CSMD3: variants seen among roughly 807,000 people sequenced by gnomAD.
The protein encoded by CSMD3 is CUB and sushi domain-containing protein 3.
Under a neutral mutation model 435.2 loss-of-function variants are expected in CSMD3, and 177 were observed. That is an observed-to-expected ratio of 0.41 (90% CI 0.36 to 0.46). The LOEUF (loss-of-function observed/expected upper bound fraction) is 0.46. CSMD3 is among the 20% of genes least tolerant of loss of function. The pLI is 0.34. For synonymous variants in CSMD3, 1,656 were observed against 1,520.5 expected, an observed-to-expected ratio of 1.09 and a Z score of -2.07; for missense variants, 4,265 against 4,504.6, an observed-to-expected ratio of 0.95 and a Z score of 1.52.
chr8:112,608,154 A>G (rs1586796185), intron 22 of CSMD3, among the ~76,000 whole-genome samples: 1 of 152,282 alleles, frequency 6.6e-6, no homozygotes, highest in East Asian at 1.9e-4. Flanking sequence ...GTTTCCATAT[A>G]CTAACAATGA....
chr8:113,132,162 C>T (rs1472691596), intron 4 of CSMD3, among the ~76,000 whole-genome samples: 1 of 152,164 alleles, frequency 6.6e-6, no homozygotes, highest in Non-Finnish European at 1.5e-5. Context: ...TTTACAAGCA[C>T]ATAAGTGGAA....
intron 1 of CSMD3, among the ~76,000 whole-genome samples, chr8:113,315,628 A>AATATAGATCAAATGTATATTAAAT (rs2093903572): frequency 1.4e-5 from 2 of 143,114 alleles, no homozygotes; most frequent in African/African-American, 2.5e-5. Flanking sequence ...ATATATCACA[A>AATATAGATCAAATGTATATTAAAT]ATATATATCA....
intron 10 of CSMD3, among the ~76,000 whole-genome samples, chr8:112,908,330 G>A (rs755676867): frequency 2.3e-4 from 35 of 151,374 alleles, no homozygotes; most frequent in Non-Finnish European, 4.7e-4. Context: ...TACAACTTCA[G>A]TTTCCTTAAA....
chr8:113,231,135 TTATAAC>T (rs1191271643), intron 3 of CSMD3, among the ~76,000 whole-genome samples: 2 of 151,430 alleles, frequency 1.3e-5, no homozygotes, highest in African/African-American at 2.4e-5. Context: ...CCTAGATTAC[TTATAAC>T]TATATTTTTC....
At chr8:112,822,819 C>G (rs1405551565) in intron 12 of CSMD3, among the ~76,000 whole-genome samples, 3 of 151,988 alleles carry the variant, frequency 2.0e-5, no homozygotes, top group Non-Finnish European at 4.4e-5. Context: ...CCATTAATAC[C>G]TAGTTTATTG....
Position 112,335,310 on chromosome 8 carries a change from A to G in CSMD3, c.7165+19T>C, listed in dbSNP as rs778465813. ...TTAAACAGTAGCAAATGAAATAGGA[A>G]CTCTCAGATAATACCAACCGTGATA... On this transcript the variant is annotated intron_variant, in intron 45 of 70. Transcript: ENST00000297405. 9.9e-6 allele frequency: 16 copies of G among 1,610,246 alleles called. No homozygotes were observed. The South Asian group carries it at 1.5e-4, about 15-fold the overall frequency.
rs2092678661 is a variant in CSMD3 at position 113,198,046 on chromosome 8, C to T, written c.515-24130G>A. ...ACCAATTAATGTTGGGATAATCATA[C>T]ATGAATACCTATTTATTTCTGTAAT... On this transcript the variant is annotated intron_variant, in intron 3 of 70. Coordinates refer to ENST00000297405, the MANE Select transcript of CSMD3 (RefSeq NM_198123.2). 4.6e-5 allele frequency among the ~76,000 whole-genome samples: 7 copies of T among 151,264 alleles called. No homozygotes were observed. In the South Asian group the frequency reaches 1.5e-3, roughly 31 times the overall value.
At chr8:112,335,538 G>A (rs989967268) in intron 44 of CSMD3, 64 bp from the exon 45 acceptor site, 25 of 1,428,974 alleles carry the variant, frequency 1.7e-5, no homozygotes, top group East Asian at 1.2e-4. Context: ...GTTTTGAACC[G>A]TATTTAATAA....
intron 5 of CSMD3, among the ~76,000 whole-genome samples, chr8:113,061,971 T>G (rs1488228679): frequency 6.6e-6 from 1 of 151,818 alleles, no homozygotes; most frequent in Non-Finnish European, 1.5e-5. Flanking sequence ...TCATTCCAAG[T>G]TGAAAAAACT....
intron 52 of CSMD3, among the ~76,000 whole-genome samples, chr8:112,303,535 A>G (rs992791723): frequency 3.3e-5 from 5 of 152,176 alleles, no homozygotes; most frequent in Admixed American, 2.0e-4. Flanking sequence ...AGCCTGGCAG[A>G]CAGAGCAAGA....
In CSMD3 at chr8:113,099,780, A is replaced by G. The variant is rs78800428; in HGVS notation, c.710-817T>C. Among the ~76,000 whole-genome samples the G allele has an allele frequency of 8.5e-3, 1,292 of 152,180 alleles. 22 individuals are homozygous for G. Among genetic ancestry groups the G allele is most frequent in the African/African-American group, 0.029 (1,211 of 41,540 alleles). Reference sequence around the variant, plus strand: ...CTGTGTTTGGTATGCAAACATAAGAAAAAGCTCCTGTTTCATAAAGGAATT... The same window carrying G: ...CTGTGTTTGGTATGCAAACATAAGAGAAAGCTCCTGTTTCATAAAGGAATT... On this transcript the variant is annotated intron_variant, in intron 4 of 70. Coordinates refer to ENST00000297405, the MANE Select transcript of CSMD3 (RefSeq NM_198123.2).
intron 22 of CSMD3, among the ~76,000 whole-genome samples, chr8:112,608,983 A>C (rs918377908): frequency 5.3e-5 from 8 of 151,960 alleles, no homozygotes; most frequent in African/African-American, 1.4e-4. Flanking sequence ...ATAAAAGCAA[A>C]GATAAACAGA....
At chr8:112,430,702 A>G (rs1204077616) in intron 32 of CSMD3, among the ~76,000 whole-genome samples, 3 of 152,070 alleles carry the variant, frequency 2.0e-5, no homozygotes. Flanking sequence ...GCCAAGCATT[A>G]GTAAGTTTCA....
chr8:112,927,915 T>C (rs1350537125), intron 9 of CSMD3, among the ~76,000 whole-genome samples: 4 of 152,108 alleles, frequency 2.6e-5, no homozygotes, highest in Non-Finnish European at 4.4e-5. Context: ...GTGGAATGCT[T>C]AAGGTCACTC....
chr8:113,217,738 C>A (rs892985332), intron 3 of CSMD3, among the ~76,000 whole-genome samples: 2 of 151,256 alleles, frequency 1.3e-5, no homozygotes, highest in African/African-American at 4.8e-5. Context: ...AGGTCTAATA[C>A]ACGCACAACT....
At chr8:112,270,077 T>C (rs1218823350) in intron 59 of CSMD3, among the ~76,000 whole-genome samples, 3 of 152,216 alleles carry the variant, frequency 2.0e-5, no homozygotes, top group African/African-American at 7.2e-5. Context: ...CTTTTAGAGA[T>C]AGATTAATTA....
At chr8:112,618,278 T>C (rs1249289384) in intron 22 of CSMD3, among the ~76,000 whole-genome samples, 15 of 152,044 alleles carry the variant, frequency 9.9e-5, no homozygotes, top group Admixed American at 9.8e-4. Context: ...GCTCTTAAGT[T>C]ATCTCAAATT....
chr8:113,227,153 G>T (rs1370310490), intron 3 of CSMD3, among the ~76,000 whole-genome samples: 1 of 151,196 alleles, frequency 6.6e-6, no homozygotes, highest in Non-Finnish European at 1.5e-5. Context: ...ATCAAAAAAT[G>T]GAAAAAAGGA....
At chr8:113,180,843 C>T (rs1177047055) in intron 3 of CSMD3, among the ~76,000 whole-genome samples, 1 of 151,898 alleles carries the variant, frequency 6.6e-6, no homozygotes, top group East Asian at 1.9e-4. Flanking sequence ...CCATTCACTT[C>T]TGTAAGCCAT....
Sources: allele counts gnomAD v4.1 joint callset (sites outside exome capture counted in the v4.1 genomes callset), GRCh38; gene constraint gnomAD v4.1.1; transcripts MANE v1.5; gene names NCBI Gene and HGNC (gene_info 2026-07-23, HGNC 2026-07-21).